Variants in UVRAG observed in about 807,000 individuals in gnomAD.
UVRAG encodes UV radiation resistance-associated gene protein.
Under a neutral mutation model 78.0 loss-of-function variants are expected in UVRAG, and 19 were observed. The observed-to-expected ratio is 0.24, with a 90% confidence interval of 0.17 to 0.36. The LOEUF is 0.36. Among genes scored for constraint, UVRAG ranks in the 10% least tolerant of loss-of-function variants. The pLI, the probability that UVRAG is intolerant of heterozygous loss-of-function variation, is 1.00. For missense variants in UVRAG, 740 were observed against 853.8 expected (o/e 0.87, Z 1.66); for synonymous variants, 323 against 324.6 (o/e 1.00, Z 0.05).
At chr11:76,097,546 T>C (rs1200083084) in intron 13 of UVRAG, among the ~76,000 whole-genome samples, 1 of 152,186 alleles carries the variant, frequency 6.6e-6, no homozygotes, top group African/African-American at 2.4e-5. Context: ...TCTGATGTGG[T>C]CCTTACTCAT....
chr11:76,040,691 G>T (rs577357441), intron 12 of UVRAG, among the ~76,000 whole-genome samples: 1 of 152,110 alleles, frequency 6.6e-6, no homozygotes, highest in African/African-American at 2.4e-5. Context: ...GAGTAGCTGG[G>T]ATTACAGGCA....
At chr11:75,842,654 C>G (rs559308163) in intron 1 of UVRAG, among the ~76,000 whole-genome samples, 3 of 152,176 alleles carry the variant, frequency 2.0e-5, no homozygotes, top group African/African-American at 7.2e-5. Flanking sequence ...GTTGCCCAGG[C>G]TGGTCTTGAA....
Position 76,141,118 on chromosome 11 carries a change from C to T in UVRAG, c.1805C>T (p.Pro602Leu). 1.9e-6 allele frequency: 3 copies of T among 1,614,124 alleles called. No individual in the cohort carries two copies. The highest frequency in any genetic ancestry group is 2.5e-6 in the Non-Finnish European group (3 of 1,180,032). ...GCCACAGTCAATGGCACTCTCCTAC[C>T]CAGCGAGCAGGCCGGGTCCGCCAGT... is the stretch of plus-strand genomic sequence containing the variant. ...HRATVNGTLL[P>L]SEQAGSASVQ... The change falls in exon 15 of 15, where the codon CCC (proline) becomes CTC (leucine). Residue 602 changes from proline to leucine, a missense_variant. Physicochemically the swap from Pro to Leu is moderately conservative, Grantham distance 98. Coordinates refer to ENST00000356136, the MANE Select transcript of UVRAG (RefSeq NM_003369.4).
intron 1 of UVRAG, among the ~76,000 whole-genome samples, chr11:75,827,391 C>T (rs914825351): frequency 5.3e-5 from 8 of 152,062 alleles, no homozygotes; most frequent in Non-Finnish European, 8.8e-5. Flanking sequence ...AGGTGGATCA[C>T]CTGAGGTTAG....
intron 8 of UVRAG, among the ~76,000 whole-genome samples, chr11:75,987,548 C>T (rs577313221): frequency 2.6e-5 from 4 of 152,190 alleles, no homozygotes; most frequent in Non-Finnish European, 4.4e-5. Context: ...TTGTCTGAGA[C>T]ATCCAGTACA....
intron 1 of UVRAG, among the ~76,000 whole-genome samples, chr11:75,818,938 T>C (rs1285981573): frequency 1.3e-5 from 2 of 152,150 alleles, no homozygotes; most frequent in East Asian, 1.9e-4. Context: ...GGCTGTTACA[T>C]GTTTAGCCAC....
intron 14 of UVRAG, among the ~76,000 whole-genome samples, chr11:76,132,068 G>A (rs181558737): frequency 3.9e-5 from 6 of 152,356 alleles, no homozygotes; most frequent in Admixed American, 3.9e-4. Context: ...GGCACTCTGT[G>A]CAAGCCTGTC....
rs559165844 is a variant in UVRAG at position 75,870,572 on chromosome 11, T to C, written c.270+8792T>C. 2.6e-5 allele frequency among the ~76,000 whole-genome samples: 4 copies of C among 152,288 alleles called. No individual in the cohort carries two copies. In the South Asian group the frequency reaches 8.3e-4, roughly 32 times the overall value. ...ACTTCATATTTTAGTATATATTTAC[T>C]CTTATTGAAAGGTGGTCTTAAACAA... On this transcript the variant is annotated intron_variant, in intron 3 of 14. Transcript: ENST00000356136.
chr11:75,983,422 G>C lies in UVRAG; in HGVS notation c.735G>C (p.Leu245Phe). Residue 245 changes from leucine to phenylalanine, a missense_variant, in exon 8 of 15, where the codon TTG (leucine) becomes TTC (phenylalanine). By Grantham distance (22) the Leu-to-Phe change is conservative. Coordinates refer to ENST00000356136, the MANE Select transcript of UVRAG (RefSeq NM_003369.4). The part of the protein sequence containing the change: ...KKSECLQLKI[L>F]VLQNELERQK... Reference sequence around the variant, plus strand: ...GTGAATGCCTGCAGTTAAAAATTTTGGTGCTTCAGAATGAACTGGAACGGC... The same window carrying C: ...GTGAATGCCTGCAGTTAAAAATTTTCGTGCTTCAGAATGAACTGGAACGGC... The C allele has an allele frequency of 6.2e-7, 1 of 1,602,658 alleles. No homozygotes were observed. The highest frequency in any genetic ancestry group is 8.5e-7 in the Non-Finnish European group (1 of 1,174,698).
intron 14 of UVRAG, among the ~76,000 whole-genome samples, chr11:76,117,619 C>T (rs1458533967): frequency 6.6e-6 from 1 of 152,148 alleles, no homozygotes; most frequent in East Asian, 1.9e-4. Flanking sequence ...AACGGGCTTG[C>T]AAAGATGTCA....
intron 5 of UVRAG, among the ~76,000 whole-genome samples, chr11:75,899,332 C>G (rs1947431950): frequency 1.3e-5 from 2 of 151,948 alleles, no homozygotes; most frequent in Admixed American, 1.3e-4. Context: ...ATATTTCTTC[C>G]ATTTCTCTTC....
At chr11:75,834,728 T>G (rs1945741521) in intron 1 of UVRAG, among the ~76,000 whole-genome samples, 1 of 151,990 alleles carries the variant, frequency 6.6e-6, no homozygotes, top group African/African-American at 2.4e-5. Context: ...GCAGGAGAAT[T>G]GCTTGAACCT....
chr11:76,069,287 T>C (rs529810682), intron 13 of UVRAG, among the ~76,000 whole-genome samples: 2 of 152,208 alleles, frequency 1.3e-5, no homozygotes, highest in Non-Finnish European at 2.9e-5. Context: ...ATGTCACTGC[T>C]GTCTAAAGGT....
At chr11:75,855,022 G>T (rs2134758467) in intron 2 of UVRAG, among the ~76,000 whole-genome samples, 1 of 152,092 alleles carries the variant, frequency 6.6e-6, no homozygotes, top group Non-Finnish European at 1.5e-5. Flanking sequence ...AGCGCATTTT[G>T]GGAATTTGGA....
At chr11:75,930,645 A>G (rs1468388128) in intron 6 of UVRAG, among the ~76,000 whole-genome samples, 1 of 152,254 alleles carries the variant, frequency 6.6e-6, no homozygotes, top group Non-Finnish European at 1.5e-5. Flanking sequence ...CTTGGAGACC[A>G]TAACTTCACA....
intron 14 of UVRAG, among the ~76,000 whole-genome samples, chr11:76,138,966 T>A (rs751992553): frequency 6.6e-6 from 1 of 152,238 alleles, no homozygotes; most frequent in Non-Finnish European, 1.5e-5. Flanking sequence ...GGGCAACATA[T>A]TAACTATAAA....
At chr11:75,949,732 T>C (rs1055130364) in intron 6 of UVRAG, among the ~76,000 whole-genome samples, 97 of 143,948 alleles carry the variant, frequency 6.7e-4, no homozygotes, top group East Asian at 5.9e-3. Context: ...CACACACACA[T>C]ATACACATAT....
At chr11:76,064,133 C>G (rs1156410005) in intron 12 of UVRAG, among the ~76,000 whole-genome samples, 2 of 152,166 alleles carry the variant, frequency 1.3e-5, no homozygotes, top group African/African-American at 4.8e-5. Context: ...AATGTTGAAG[C>G]TTGGTTTTCA....
intron 6 of UVRAG, among the ~76,000 whole-genome samples, chr11:75,933,920 A>G (rs1171873102): frequency 6.6e-6 from 1 of 152,226 alleles, no homozygotes; most frequent in African/African-American, 2.4e-5. Flanking sequence ...AATTAGTACA[A>G]CCACTATGGA....
Sources: allele counts gnomAD v4.1 joint callset (sites outside exome capture counted in the v4.1 genomes callset), GRCh38; gene constraint gnomAD v4.1.1; transcripts MANE v1.5; gene names NCBI Gene and HGNC (gene_info 2026-07-23, HGNC 2026-07-21).